Variants in ERBIN observed in about 807,000 individuals in gnomAD.
ERBIN encodes the protein erbb2 interacting protein.
A neutral mutation model predicts 158.4 loss-of-function variants in ERBIN; 60 were observed. The observed-to-expected ratio is 0.38, with a 90% CI of 0.31 to 0.47. The LOEUF is 0.47. ERBIN is among the 20% of genes least tolerant of loss of function. The pLI is 0.99. For missense variants in ERBIN, 1,610 were observed against 1,648.0 expected, an observed-to-expected ratio of 0.98 and a Z score of 0.40; for synonymous variants, 594 against 557.2, an observed-to-expected ratio of 1.07 and a Z score of -0.93.
At chr5:66,051,074 T>G in intron 20 of ERBIN, 108 bp downstream of exon 20, 1 of 651,248 alleles carries the variant, frequency 1.5e-6, no homozygotes, top group Non-Finnish European at 2.5e-6. Context: ...TAGAAGTGGT[T>G]CCAGTAATAT....
At chr5:66,017,279 C>T (rs907474495) in intron 7 of ERBIN, among the ~76,000 whole-genome samples, 2 of 152,014 alleles carry the variant, frequency 1.3e-5, no homozygotes, top group African/African-American at 4.8e-5. Flanking sequence ...ATACTGTTCT[C>T]CATAGTGGCT....
In ERBIN at chr5:66,079,324, T is replaced by C. The variant is rs913111635; in HGVS notation, c.*794T>C. The stretch of plus-strand genomic sequence containing the variant: ...TTTAGTCACAGGAAATTTTTAACTC[T>C]ACTGTAGATGCATGTCCATGCATTT... On this transcript the variant is annotated 3_prime_UTR_variant, in exon 26 of 26. Coordinates refer to ENST00000284037, the MANE Select transcript of ERBIN (RefSeq NM_001253697.2). The C allele has an allele frequency of 1.3e-5, 2 of 152,324 alleles. No individual in the cohort carries two copies. Among genetic ancestry groups the C allele is most frequent in the African/African-American group, 4.8e-5 (2 of 41,446 alleles). 9.4% of individuals were successfully genotyped at this position (152,324 alleles called of 1,614,324 possible). A position where few individuals can be genotyped will look rare whatever the true frequency, so the allele number is the denominator to read the frequency against.
chr5:66,017,518 AT>A (rs35773988), intron 7 of ERBIN, among the ~76,000 whole-genome samples: 101,490 of 135,238 alleles, frequency 0.75, 38,164 homozygotes, highest in Non-Finnish European at 0.83. Context: ...TTACAATAGA[AT>A]TTTTTTTTTT....
chr5:66,009,336 A>G (rs1020373246), intron 4 of ERBIN, among the ~76,000 whole-genome samples: 11 of 152,236 alleles, frequency 7.2e-5, no homozygotes, highest in South Asian at 2.1e-4. Context: ...GAAAAATTCA[A>G]TAATGTTAAG....
intron 14 of ERBIN, among the ~76,000 whole-genome samples, chr5:66,029,289 G>A (rs58987715): frequency 0.058 from 8,770 of 152,194 alleles, 884 homozygotes; most frequent in African/African-American, 0.2. Context: ...AAAATAGAAT[G>A]TACAATTTAC....
chr5:66,053,769 A>G lies in ERBIN; in HGVS notation c.2451A>G (p.Glu817=), dbSNP rs763843678. ...ATGGAAACAAGTATCCTAATTTGGA[A>G]TCCGTAAATAAGGTAAATGGACATT... ...LENGNKYPNL[E]SVNKVNGHSE... Residue 817 remains glutamate, a synonymous_variant, in exon 21 of 26, where the codon GAA becomes GAG. Coordinates refer to ENST00000284037, the MANE Select transcript of ERBIN (RefSeq NM_001253697.2). 2.6e-5 allele frequency: 42 copies of G among 1,613,734 alleles called. No homozygotes were observed. Among genetic ancestry groups the G allele is most frequent in the Non-Finnish European group, 3.0e-5 (35 of 1,179,988 alleles).
chr5:65,941,218 C>G (rs1580090461), intron 1 of ERBIN, among the ~76,000 whole-genome samples: 1 of 151,630 alleles, frequency 6.6e-6, no homozygotes, highest in East Asian at 1.9e-4. Flanking sequence ...AAACCAGAGA[C>G]CTTTGTTCAC....
chr5:65,986,356 G>A (rs898360170), intron 1 of ERBIN, among the ~76,000 whole-genome samples: 8 of 152,202 alleles, frequency 5.3e-5, no homozygotes, highest in African/African-American at 1.9e-4. Context: ...CCACCAGACT[G>A]TCATGTCTGT....
chr5:65,965,379 GTTGTTTTTTTTTTTTTTTTTTTTTTT>G (rs1561304846), intron 1 of ERBIN, among the ~76,000 whole-genome samples: 45 of 103,650 alleles, frequency 4.3e-4, no homozygotes, highest in Non-Finnish European at 7.7e-4. Flanking sequence ...TTTGTTTTTT[GTTGTTTTTTTTTTTTTTTTTTTTTTT>G]TTTTTTTTTT....
rs565985783 is a variant in ERBIN at position 65,948,809 on chromosome 5, G to A, written c.-58+22003G>A. On this transcript the variant is annotated intron_variant, in intron 1 of 25. Coordinates refer to ENST00000284037, the MANE Select transcript of ERBIN (RefSeq NM_001253697.2). Reference sequence around the variant, plus strand: ...GACAGAGTCTCCCTCTGTCACTTACGTTGGAGTGCAGTGGCCCAATTTCAG... The same window carrying A: ...GACAGAGTCTCCCTCTGTCACTTACATTGGAGTGCAGTGGCCCAATTTCAG... Among the ~76,000 whole-genome samples the A allele has an allele frequency of 1.0e-4, 12 of 117,136 alleles. No individual in the cohort carries two copies. In the South Asian group the frequency reaches 3.2e-3, roughly 31 times the overall value. The allele number at this position is 117,136 out of a possible 152,430, so 76.8% of individuals were successfully genotyped here. A position where few individuals can be genotyped will look rare whatever the true frequency, so the allele number is the denominator to read the frequency against.
At chr5:65,960,935 T>G (rs1747832889) in intron 1 of ERBIN, among the ~76,000 whole-genome samples, 1 of 152,160 alleles carries the variant, frequency 6.6e-6, no homozygotes, top group African/African-American at 2.4e-5. Context: ...CTTTGGCAAG[T>G]CTATTCATTT....
At chr5:65,971,449 A>G (rs1278235976) in intron 1 of ERBIN, among the ~76,000 whole-genome samples, 1 of 152,198 alleles carries the variant, frequency 6.6e-6, no homozygotes, top group Non-Finnish European at 1.5e-5. Context: ...ACTTTCAGAT[A>G]TCAGCTCAAA....
At chr5:65,977,724 G>A (rs568278586) in intron 1 of ERBIN, among the ~76,000 whole-genome samples, 14 of 152,164 alleles carry the variant, frequency 9.2e-5, no homozygotes, top group Non-Finnish European at 1.8e-4. Flanking sequence ...GGGCGGCCAG[G>A]CGGAGACGCT....
At chr5:66,023,253 A>G (rs779695714) in intron 8 of ERBIN, 37 bp from the exon 9 acceptor site, 4 of 1,474,100 alleles carry the variant, frequency 2.7e-6, no homozygotes, top group Non-Finnish European at 3.8e-6. Context: ...ATAAAAATTA[A>G]TTGAATTACT....
At chr5:66,041,816 A>G (rs914048712) in intron 15 of ERBIN, among the ~76,000 whole-genome samples, 2 of 152,036 alleles carry the variant, frequency 1.3e-5, no homozygotes, top group African/African-American at 4.8e-5. Context: ...TTCCAATCAT[A>G]CCACAAAAGT....
chr5:65,946,365 T>G (rs958248770), intron 1 of ERBIN, among the ~76,000 whole-genome samples: 6 of 151,588 alleles, frequency 4.0e-5, no homozygotes, highest in African/African-American at 1.5e-4. Context: ...CTCAGTCTCA[T>G]AAATGAATGA....
Position 66,081,032 on chromosome 5 carries a change from A to G in ERBIN, c.*2502A>G, listed in dbSNP as rs1220938107. 6.6e-6 allele frequency: 1 copy of G among 152,028 alleles called. No homozygotes were observed. Among genetic ancestry groups the G allele is most frequent in the Non-Finnish European group, 1.5e-5 (1 of 67,884 alleles). The allele number at this position is 152,028 out of a possible 1,614,324, so 9.4% of individuals were successfully genotyped here. A position where few individuals can be genotyped will look rare whatever the true frequency, so the allele number is the denominator to read the frequency against. Reference sequence around the variant, plus strand: ...ATTAAATTTTTTGAGGAAGTGGAGAAGACATTTTTAGTTTATATATTGTTG... The same window carrying G: ...ATTAAATTTTTTGAGGAAGTGGAGAGGACATTTTTAGTTTATATATTGTTG... On this transcript the variant is annotated 3_prime_UTR_variant, in exon 26 of 26. Coordinates refer to ENST00000284037, the MANE Select transcript of ERBIN (RefSeq NM_001253697.2).
chr5:65,939,817 G>C (rs1210282664), intron 1 of ERBIN, among the ~76,000 whole-genome samples: 4 of 152,222 alleles, frequency 2.6e-5, no homozygotes, highest in Non-Finnish European at 4.4e-5. Flanking sequence ...CCGAGGTGCC[G>C]GGATTGCAGA....
In ERBIN at chr5:66,081,713, A is replaced by T. The variant is rs944967145; in HGVS notation, c.*3183A>T. The T allele has an allele frequency of 7.9e-5, 12 of 152,226 alleles. No individual in the cohort carries two copies. Among genetic ancestry groups the T allele is most frequent in the African/African-American group, 2.6e-4 (11 of 41,568 alleles). 9.4% of individuals were successfully genotyped at this position (152,226 alleles called of 1,614,324 possible). A position where few individuals can be genotyped will look rare whatever the true frequency, so the allele number is the denominator to read the frequency against. On this transcript the variant is annotated 3_prime_UTR_variant, in exon 26 of 26. Transcript: ENST00000284037. ...CTAAAGGGAGGCATTAAGATGGGAAATGTTTCTCTGATGGAGATTGACGTG... is the reference window on the plus strand; with the variant it reads ...CTAAAGGGAGGCATTAAGATGGGAATTGTTTCTCTGATGGAGATTGACGTG...
Sources: allele counts gnomAD v4.1 joint callset (sites outside exome capture counted in the v4.1 genomes callset), GRCh38; gene constraint gnomAD v4.1.1; transcripts MANE v1.5; gene names NCBI Gene and HGNC (gene_info 2026-07-23, HGNC 2026-07-21).